Variants in CREBZF observed in about 807,000 individuals in gnomAD.
The protein encoded by CREBZF is CREB/ATF bZIP transcription factor, also known as HCF-binding transcription factor Zhangfei.
A neutral mutation model predicts 21.1 loss-of-function variants in CREBZF; 8 were observed. The observed-to-expected ratio is 0.38, with a 90% confidence interval of 0.22 to 0.68. The LOEUF is 0.68. Among genes scored for constraint, CREBZF ranks in the 30% least tolerant of loss-of-function variants. The probability of loss-of-function intolerance (pLI) is 0.51; values close to 1 mark genes in which losing one functional copy is unlikely to be tolerated. For missense variants in CREBZF, 518 were observed against 484.3 expected (o/e 1.07, Z -0.65); for synonymous variants, 270 against 223.3 (o/e 1.21, Z -1.86).
chr11:85,662,324 C>T lies in CREBZF; in HGVS notation c.*1487G>A. The T allele has an allele frequency of 1.5e-6, 1 of 685,884 alleles. No homozygotes were observed. The highest frequency in any genetic ancestry group is 2.7e-6 in the Non-Finnish European group (1 of 368,418). The allele number at this position is 685,884 out of a possible 1,614,324, so 42.5% of individuals were successfully genotyped here. A position where few individuals can be genotyped will look rare whatever the true frequency, so the allele number is the denominator to read the frequency against. On this transcript the variant is annotated 3_prime_UTR_variant, in exon 1 of 1. Transcript: ENST00000527447. ...CTGGAAAATACTTTTTAATTATGAA[C>T]ATGTTAAAAATAAAAAACAGCAGAA...
chr11:85,664,451 A>G lies in CREBZF; in HGVS notation c.425T>C (p.Leu142Pro). 3 of 1,613,430 alleles carry G rather than the reference A, an allele frequency of 1.9e-6. No homozygotes were observed. Among genetic ancestry groups the G allele is most frequent in the Non-Finnish European group, 2.5e-6 (3 of 1,179,894 alleles). ...SSGGGSDSGG[L>P]WRGDDDDEAA... ...CTCATCGTCATCGTCCCCTCTCCAC[A>G]GGCCGCCGCTATCCGAGCCTCCGCC... is the stretch of plus-strand genomic sequence containing the variant. The change falls in exon 1 of 1, where the codon CTG (leucine) becomes CCG (proline). Residue 142 changes from leucine (L) to proline (P), a missense_variant. By Grantham distance (98) the Leu-to-Pro change is moderately conservative (BLOSUM62 -3). This residue lies in a region of CREBZF where 396 missense variants were observed against 324.4 expected (regional missense o/e 1.22). Transcript: ENST00000527447. The surrounding 1 kb of genome is among the most constrained non-coding windows in gnomAD (Gnocchi z 5.5).
At position 85,658,880 on chromosome 11, in the gene CREBZF, A is replaced by G. The variant is rs2082591705; in HGVS notation, c.*4931T>C. Among the ~76,000 whole-genome samples, 2 of 152,194 alleles carry G rather than the reference A, an allele frequency of 1.3e-5. 1 individual carries two copies. Among genetic ancestry groups the G allele is most frequent in the South Asian group, 4.1e-4 (2 of 4,830 alleles). ...TACAACACAGTAACTACACTTTTCAATTAGTTCATTGTGAAAACTGAGCAA... is the reference window on the plus strand; with the variant it reads ...TACAACACAGTAACTACACTTTTCAGTTAGTTCATTGTGAAAACTGAGCAA... On this transcript the variant is annotated 3_prime_UTR_variant, in exon 1 of 1. Transcript: ENST00000527447.
At chr11:85,671,828 G>A (rs897856794) in intron 1 of CREBZF, among the ~76,000 whole-genome samples, 8 of 152,142 alleles carry the variant, frequency 5.3e-5, no homozygotes, top group East Asian at 3.9e-4. Context: ...CATTGACTGC[G>A]GCTTCTCCAG....
rs77052508 is a variant in CREBZF, at chr11:85,670,349, G to GT, written n.148-6749_148-6748insA. Among the ~76,000 whole-genome samples, 8 of 1,180 alleles carry GT rather than the reference G, an allele frequency of 6.8e-3. No individual in the cohort carries two copies. The African/African-American group carries it at 0.087, about 13-fold the overall frequency. The allele number at this position is 1,180 out of a possible 152,430, so 0.8% of individuals were successfully genotyped here. A position where few individuals can be genotyped will look rare whatever the true frequency, so the allele number is the denominator to read the frequency against. ...AGACGGAGTCTCGCTCTGTCACCCA[G>GT]GTGGAGTGCAGTGGCGCAATCTCTG... is the stretch of plus-strand genomic sequence containing the variant. On this transcript the variant is annotated intron_variant and non_coding_transcript_variant, in intron 1 of 3. Coordinates refer to the CREBZF transcript ENST00000531515.
In CREBZF at chr11:85,658,919, ATT is replaced by A. The variant is rs2082593147; in HGVS notation, c.*4890_*4891del. Among the ~76,000 whole-genome samples the A allele has an allele frequency of 6.6e-6, 1 of 152,104 alleles. No homozygotes were observed. Among genetic ancestry groups the A allele is most frequent in the Admixed American group, 6.5e-5 (1 of 15,270 alleles). On this transcript the variant is annotated 3_prime_UTR_variant, in exon 1 of 1. Coordinates refer to ENST00000527447, the MANE Select transcript of CREBZF (RefSeq NM_001039618.4). ...AAAACTGAGCAAAATATTTTCAACAATTTTGGGTCAACAAAAAGTATGGAATA... is the reference window on the plus strand; with the variant it reads ...AAAACTGAGCAAAATATTTTCAACAATTGGGTCAACAAAAAGTATGGAATA...
At position 85,676,011 on chromosome 11, in the gene CREBZF, C is replaced by T. The variant is rs539497552; in HGVS notation, n.147+6706G>A. On this transcript the variant is annotated intron_variant and non_coding_transcript_variant, in intron 1 of 3. Transcript: ENST00000531515. ...CTCCTCTAACTCCTTCTCAAGAAAG[C>T]GTTTCTGAACGCAACTGAATGAGAA... Among the ~76,000 whole-genome samples, 96 of 152,294 alleles carry T rather than the reference C, an allele frequency of 6.3e-4. 1 individual carries two copies. The South Asian group carries it at 0.012, about 19-fold the overall frequency.
chr11:85,658,499 G>T lies in CREBZF; in HGVS notation c.*5312C>A, dbSNP rs184191075. On this transcript the variant is annotated 3_prime_UTR_variant, in exon 1 of 1. Coordinates refer to ENST00000527447, the MANE Select transcript of CREBZF (RefSeq NM_001039618.4). The stretch of plus-strand genomic sequence containing the variant: ...ACTTTGCCAAAATTTTTGTTCAGAG[G>T]GCAGATATCTGCATTATTTAAGGAC... Among the ~76,000 whole-genome samples the T allele has an allele frequency of 1.9e-4, 29 of 151,996 alleles. No individual in the cohort carries two copies. In the East Asian group the frequency reaches 4.3e-3, roughly 22 times the overall value.
chr11:85,671,656 G>T (rs749882901), intron 1 of CREBZF, among the ~76,000 whole-genome samples: 6 of 152,230 alleles, frequency 3.9e-5, no homozygotes, highest in Non-Finnish European at 7.3e-5. Context: ...CCATAATCCA[G>T]CAAGGCAGTC....
Position 85,664,818 on chromosome 11 carries a change from T to G in CREBZF, c.58A>C (p.Ser20Arg). ...AASGSNSPTR[S>R]ESPEPAATCS... ...GTTGCAGCCGGCTCCGGGCTCTCAC[T>G]GCGGGTTGGGGAGTTGCTGCCCGAG... The change falls in exon 1 of 1, where the codon AGT (serine) becomes CGT (arginine). Residue 20 changes from serine to arginine, a missense_variant. Around this residue, in one of 3 missense-constraint regions of CREBZF, gnomAD observed 396 missense variants for 324.4 expected, o/e 1.22. Transcript: ENST00000527447. The surrounding 1 kb of genome is among the most constrained non-coding windows in gnomAD (Gnocchi z 5.5). 6.4e-7 allele frequency: 1 copy of G among 1,560,016 alleles called. No homozygotes were observed. Among genetic ancestry groups the G allele is most frequent in the South Asian group, 1.2e-5 (1 of 83,780 alleles).
chr11:85,673,424 A>C (rs1326072737), intron 1 of CREBZF, among the ~76,000 whole-genome samples: 2 of 152,166 alleles, frequency 1.3e-5, no homozygotes, highest in Admixed American at 6.5e-5. Context: ...AAATGTTTAC[A>C]CTATACTGTA....
chr11:85,666,391 A>ATTGG (rs2082863052), upstream of CREBZF, among the ~76,000 whole-genome samples: 2 of 152,272 alleles, frequency 1.3e-5, no homozygotes, highest in Non-Finnish European at 2.9e-5. Flanking sequence ...TGAAAGGGGA[A>ATTGG]AAGGTTAATC....
chr11:85,672,849 G>C (rs1023484215), intron 1 of CREBZF, among the ~76,000 whole-genome samples: 1 of 152,184 alleles, frequency 6.6e-6, no homozygotes. Flanking sequence ...CTTATTCATG[G>C]TGGGAGAGGA....
In CREBZF at chr11:85,660,274, C is replaced by T. The variant is rs1565805124; in HGVS notation, c.*3537G>A. On this transcript the variant is annotated 3_prime_UTR_variant, in exon 1 of 1. Coordinates refer to ENST00000527447, the MANE Select transcript of CREBZF (RefSeq NM_001039618.4). ...TTTCTTGATGAAATACTGTAATTCT[C>T]CAAAGGTTACAATTTTGTAAAGATA... is the stretch of plus-strand genomic sequence containing the variant. 5.8e-6 allele frequency: 1 copy of T among 173,474 alleles called. No individual in the cohort carries two copies. Among genetic ancestry groups the T allele is most frequent in the Non-Finnish European group, 1.2e-5 (1 of 80,798 alleles). The allele number at this position is 173,474 out of a possible 1,614,324, so 10.7% of individuals were successfully genotyped here.
At chr11:85,680,420 C>T (rs774628591) in intron 1 of CREBZF, among the ~76,000 whole-genome samples, 9 of 152,144 alleles carry the variant, frequency 5.9e-5, no homozygotes, top group Non-Finnish European at 1.2e-4. Flanking sequence ...TTATTTTAGA[C>T]TAGTACAAAT....
chr11:85,660,493 A>T lies in CREBZF; in HGVS notation c.*3318T>A, dbSNP rs1198816169. The stretch of plus-strand genomic sequence containing the variant: ...AAATGGCATTCATTTTTTTCAGCAG[A>T]TGCCAAATTTTTGACCGACATGGTT... On this transcript the variant is annotated 3_prime_UTR_variant, in exon 1 of 1. Coordinates refer to ENST00000527447, the MANE Select transcript of CREBZF (RefSeq NM_001039618.4). 9.8e-6 allele frequency: 4 copies of T among 406,954 alleles called. No homozygotes were observed. The highest frequency in any genetic ancestry group is 1.9e-5 in the Non-Finnish European group (4 of 207,212). 25.2% of individuals were successfully genotyped at this position (406,954 alleles called of 1,614,324 possible). A position where few individuals can be genotyped will look rare whatever the true frequency, so the allele number is the denominator to read the frequency against.
intron 1 of CREBZF, among the ~76,000 whole-genome samples, chr11:85,677,473 C>T (rs996842592): frequency 1.3e-5 from 2 of 152,172 alleles, no homozygotes; most frequent in Admixed American, 1.3e-4. Flanking sequence ...CAATCCCCCA[C>T]CCCCTTTCCC....
chr11:85,672,974 A>G (rs1299971620), intron 1 of CREBZF, among the ~76,000 whole-genome samples: 1 of 152,214 alleles, frequency 6.6e-6, no homozygotes, highest in Non-Finnish European at 1.5e-5. Flanking sequence ...CCACAAGAAT[A>G]TACTTAGCAG....
Position 85,664,272 on chromosome 11 carries a change from T to C in CREBZF, c.604A>G (p.Asn202Asp), listed in dbSNP as rs1435956954. Residue 202 changes from asparagine to aspartate, a missense_variant, in exon 1 of 1, where the codon AAC (asparagine) becomes GAC (aspartate). Transcript: ENST00000527447. This position sits in a 1 kb window ranked among gnomAD's most constrained non-coding sequence, Gnocchi z 5.5. ...GGACTCTTTGTCGCCGCCTGGTTGTTGTCGTTACCGCTGCCGCCACCGCCG... is the reference window on the plus strand; with the variant it reads ...GGACTCTTTGTCGCCGCCTGGTTGTCGTCGTTACCGCTGCCGCCACCGCCG... ...GGGGGGSGNDNNQAATKSPRK... is the reference protein window; with the variant it reads ...GGGGGGSGNDDNQAATKSPRK... 12 of 1,612,562 alleles carry C rather than the reference T, an allele frequency of 7.4e-6. No individual in the cohort carries two copies. Among genetic ancestry groups the C allele is most frequent in the South Asian group, 2.2e-5 (2 of 91,070 alleles).
At position 85,664,689 on chromosome 11, in the gene CREBZF, A is replaced by G. The variant is rs1303665287; in HGVS notation, c.187T>C (p.Leu63=). ...CCGCGGCTCCCCCTCCCGGCTTCCA[A>G]CTCTCCTTCGTCGCCAAACTGCTGC... ...RKQQFGDEGE[L]EAGRGSRGGV... The change falls in exon 1 of 1, where the codon TTG becomes CTG. Residue 63 remains leucine (L), a synonymous_variant. Transcript: ENST00000527447. This position sits in a 1 kb window ranked among gnomAD's most constrained non-coding sequence, Gnocchi z 5.5. 6.3e-7 allele frequency: 1 copy of G among 1,599,236 alleles called. No individual in the cohort carries two copies. The highest frequency in any genetic ancestry group is 8.5e-7 in the Non-Finnish European group (1 of 1,174,038).
Sources: allele counts gnomAD v4.1 joint callset (sites outside exome capture counted in the v4.1 genomes callset), GRCh38; gene constraint gnomAD v4.1.1; regional missense constraint gnomAD v4.1.1; non-coding constraint Gnocchi (gnomAD v3.1); transcripts MANE v1.5; gene names NCBI Gene and HGNC (gene_info 2026-07-23, HGNC 2026-07-21).